PDSS2: variants seen among roughly 807,000 people sequenced by gnomAD.
The protein encoded by PDSS2 is decaprenyl diphosphate synthase subunit 2, also known as all trans-polyprenyl-diphosphate synthase PDSS2.
A neutral mutation model predicts 44.5 loss-of-function variants in PDSS2; 31 were observed. The ratio of observed to expected loss-of-function variants is 0.70; its 90% CI spans 0.52 to 0.94. PDSS2 has a LOEUF of 0.94. Among genes scored for constraint, PDSS2 ranks in the 40% least tolerant of loss-of-function variants. The probability of loss-of-function intolerance (pLI) is 0.00; values close to 1 mark genes in which losing one functional copy is unlikely to be tolerated. For missense variants in PDSS2, 452 were observed against 482.2 expected, an observed-to-expected ratio of 0.94 and a Z score of 0.59; for synonymous variants, 157 against 180.3, an observed-to-expected ratio of 0.87 and a Z score of 1.03.
chr6:107,347,940 C>T (rs2115319858), intron 1 of PDSS2, among the ~76,000 whole-genome samples: 1 of 152,184 alleles, frequency 6.6e-6, no homozygotes, highest in East Asian at 1.9e-4. Context: ...TGGTCATCAC[C>T]GGACTTCATC....
chr6:107,413,520 C>G (rs1328416187), intron 1 of PDSS2, among the ~76,000 whole-genome samples: 4 of 152,164 alleles, frequency 2.6e-5, no homozygotes, highest in Non-Finnish European at 5.9e-5. Context: ...GGTGACAGAG[C>G]AATGGATGAT....
At chr6:107,360,259 T>C (rs1490562964) in intron 1 of PDSS2, among the ~76,000 whole-genome samples, 2 of 152,166 alleles carry the variant, frequency 1.3e-5, no homozygotes, top group Non-Finnish European at 2.9e-5. Context: ...AGAGCTGACC[T>C]CCTCTGTCTC....
At chr6:107,179,218 G>A (rs1477584286) in intron 7 of PDSS2, among the ~76,000 whole-genome samples, 6 of 152,060 alleles carry the variant, frequency 3.9e-5, no homozygotes, top group African/African-American at 1.4e-4. Context: ...GCACCATTGC[G>A]CTACACACTA....
At chr6:107,404,480 A>C (rs1780243840) in intron 1 of PDSS2, among the ~76,000 whole-genome samples, 2 of 152,204 alleles carry the variant, frequency 1.3e-5, no homozygotes, top group Non-Finnish European at 2.9e-5. Flanking sequence ...GACATATCTG[A>C]GACTGGATAA....
intron 7 of PDSS2, among the ~76,000 whole-genome samples, chr6:107,186,178 A>G (rs1002059357): frequency 5.9e-5 from 9 of 152,238 alleles, no homozygotes; most frequent in African/African-American, 2.2e-4. Context: ...GTAATGAATT[A>G]ATAGTTGTCA....
intron 3 of PDSS2, among the ~76,000 whole-genome samples, chr6:107,256,219 G>C (rs919194757): frequency 1.3e-5 from 2 of 152,090 alleles, no homozygotes; most frequent in Non-Finnish European, 2.9e-5. Flanking sequence ...TCGAACTCCT[G>C]ACCTCAGGTG....
chr6:107,241,415 C>T (rs1364365693), intron 4 of PDSS2, among the ~76,000 whole-genome samples: 2 of 132,494 alleles, frequency 1.5e-5, no homozygotes, highest in East Asian at 2.4e-4. Flanking sequence ...GGCGAGATAT[C>T]GGCTCACTGC....
At chr6:107,163,705 C>A (rs1000260598) in intron 7 of PDSS2, among the ~76,000 whole-genome samples, 1 of 151,734 alleles carries the variant, frequency 6.6e-6, no homozygotes, top group Non-Finnish European at 1.5e-5. Context: ...CGGGTTCCAG[C>A]GATTCTCCTG....
chr6:107,384,251 T>A (rs941050603), intron 1 of PDSS2, among the ~76,000 whole-genome samples: 1 of 152,184 alleles, frequency 6.6e-6, no homozygotes, highest in Non-Finnish European at 1.5e-5. Context: ...TAGGTGGTGA[T>A]AATTAACAGG....
chr6:107,326,324 G>A (rs1183340173), intron 2 of PDSS2, among the ~76,000 whole-genome samples: 1 of 151,350 alleles, frequency 6.6e-6, no homozygotes, highest in Non-Finnish European at 1.5e-5. Context: ...TGGCCAGGCT[G>A]GTCTCAAACT....
At chr6:107,458,944 G>T (rs1473823857) in intron 1 of PDSS2, 46 bp downstream of exon 1, 8 of 1,583,232 alleles carry the variant, frequency 5.1e-6, no homozygotes, top group Non-Finnish European at 6.9e-6. Flanking sequence ...AGAAAAAAAA[G>T]TATTCCAATG....
intron 2 of PDSS2, among the ~76,000 whole-genome samples, chr6:107,307,219 G>A (rs1776887357): frequency 6.6e-6 from 1 of 152,208 alleles, no homozygotes. Context: ...CACCTGTGAT[G>A]TGCTTGGTGA....
chr6:107,367,744 A>G (rs1428548332), intron 1 of PDSS2, among the ~76,000 whole-genome samples: 1 of 146,514 alleles, frequency 6.8e-6, no homozygotes, highest in African/African-American at 2.5e-5. Flanking sequence ...TGGAGGTTGC[A>G]GTGAGCTGAG....
At chr6:107,347,821 T>C (rs1778301504) in intron 1 of PDSS2, among the ~76,000 whole-genome samples, 1 of 152,238 alleles carries the variant, frequency 6.6e-6, no homozygotes, top group Non-Finnish European at 1.5e-5. Context: ...CCCATCTTAA[T>C]GGCTATATGT....
intron 6 of PDSS2, among the ~76,000 whole-genome samples, chr6:107,201,570 A>G (rs1772779351): frequency 6.6e-6 from 1 of 152,178 alleles, no homozygotes; most frequent in Non-Finnish European, 1.5e-5. Context: ...TTTATAAGTC[A>G]GGTAACAAAG....
chr6:107,157,279 G>A (rs1248626676), intron 7 of PDSS2, among the ~76,000 whole-genome samples: 3 of 149,708 alleles, frequency 2.0e-5, no homozygotes, highest in Non-Finnish European at 4.5e-5. Context: ...CCAGTTCCCC[G>A]GCTCAAGTGA....
intron 2 of PDSS2, among the ~76,000 whole-genome samples, chr6:107,325,452 T>C (rs1381531856): frequency 6.6e-6 from 1 of 152,210 alleles, no homozygotes; most frequent in East Asian, 1.9e-4. Flanking sequence ...GAGTGAAGAA[T>C]TAGCACAAAT....
intron 1 of PDSS2, among the ~76,000 whole-genome samples, chr6:107,377,247 T>G (rs1661727316): frequency 6.6e-6 from 1 of 152,020 alleles, no homozygotes; most frequent in African/African-American, 2.4e-5. Flanking sequence ...CAGACACTTC[T>G]CAAAAGAAGA....
intron 1 of PDSS2, among the ~76,000 whole-genome samples, chr6:107,407,662 G>A (rs918539476): frequency 1.1e-4 from 17 of 152,150 alleles, no homozygotes; most frequent in African/African-American, 3.6e-4. Context: ...CAGTCCTGGA[G>A]GTAACACAAA....
Sources: allele counts gnomAD v4.1 joint callset (sites outside exome capture counted in the v4.1 genomes callset), GRCh38; gene constraint gnomAD v4.1.1; transcripts MANE v1.5; gene names NCBI Gene and HGNC (gene_info 2026-07-23, HGNC 2026-07-21).